The following SLCO5A1 variants were observed in gnomAD, a reference collection of about 807,000 sequenced individuals.
The protein encoded by SLCO5A1 is organic anion transporter polypeptide-related protein 4.
Under a neutral mutation model 65.1 loss-of-function variants are expected in SLCO5A1, and 39 were observed. The ratio of observed to expected loss-of-function variants is 0.60; its 90% CI spans 0.46 to 0.78. SLCO5A1 has a LOEUF of 0.78. Ranked by LOEUF, SLCO5A1 falls within the 30% of genes least tolerant of loss-of-function variation. SLCO5A1 has a pLI of 0.00. For missense variants in SLCO5A1, 1,029 were observed against 1,069.4 expected (o/e 0.96, Z 0.53); for synonymous variants, 438 against 415.7 (o/e 1.05, Z -0.65).
chr8:69,787,395 T>G (rs10110400), intron 2 of SLCO5A1, among the ~76,000 whole-genome samples: 2,573 of 152,334 alleles, frequency 0.017, 57 homozygotes, highest in African/African-American at 0.059. Context: ...ATCAGCATCC[T>G]CATGTGCTTA....
chr8:69,805,381 C>G (rs1316863084), intron 2 of SLCO5A1, among the ~76,000 whole-genome samples: 1 of 152,166 alleles, frequency 6.6e-6, no homozygotes, highest in African/African-American at 2.4e-5. Context: ...GGTTCCTTTT[C>G]CCCAAGACTC....
At chr8:69,728,383 C>A (rs73686132) in intron 5 of SLCO5A1, among the ~76,000 whole-genome samples, 2,575 of 152,048 alleles carry the variant, frequency 0.017, 82 homozygotes, top group African/African-American at 0.058. Context: ...GACCTTCAAA[C>A]CATATAAATG....
intron 4 of SLCO5A1, 47 bp from the exon 5 acceptor site, chr8:69,738,251 G>C: frequency 6.7e-7 from 1 of 1,495,698 alleles, no homozygotes; most frequent in Non-Finnish European, 9.0e-7. Context: ...ACAATGGATG[G>C]AAAACAAAAT....
chr8:69,755,270 T>C (rs535918705), intron 4 of SLCO5A1, among the ~76,000 whole-genome samples, 154 bp downstream of exon 4: 100 of 152,306 alleles, frequency 6.6e-4, no homozygotes, highest in African/African-American at 2.2e-3. Context: ...AAAAAATTAC[T>C]CTGTCAAGTT....
intron 2 of SLCO5A1, among the ~76,000 whole-genome samples, chr8:69,784,845 A>AAGAAAGAAAGGGAAGGAAGG (rs1818952434): frequency 6.8e-6 from 1 of 147,934 alleles, no homozygotes; most frequent in Non-Finnish European, 1.5e-5. Context: ...GAAAGAAAGA[A>AAGAAAGAAAGGGAAGGAAGG]AGAAAGAAAG....
chr8:69,771,841 A>G (rs1818333807), intron 2 of SLCO5A1, among the ~76,000 whole-genome samples: 1 of 152,228 alleles, frequency 6.6e-6, no homozygotes, highest in South Asian at 2.1e-4. Context: ...GCTCTCTCAC[A>G]TTATCCAGTA....
chr8:69,715,562 C>A (rs72660150), intron 5 of SLCO5A1, among the ~76,000 whole-genome samples: 62 of 152,274 alleles, frequency 4.1e-4, no homozygotes, highest in Non-Finnish European at 7.2e-4. Flanking sequence ...AAAACCCTGA[C>A]AAAGCTACCC....
chr8:69,785,026 G>A (rs1325976198), intron 2 of SLCO5A1, among the ~76,000 whole-genome samples: 1 of 150,688 alleles, frequency 6.6e-6, no homozygotes, highest in Non-Finnish European at 1.5e-5. Flanking sequence ...GAAAGAAAGG[G>A]AAGGAAGGGG....
intron 6 of SLCO5A1, among the ~76,000 whole-genome samples, chr8:69,692,334 C>G (rs1455697578): frequency 6.6e-6 from 1 of 152,162 alleles, no homozygotes; most frequent in African/African-American, 2.4e-5. Context: ...CTGGAATTTG[C>G]TCTGGGTGAG....
chr8:69,818,034 A>G (rs896190558), intron 2 of SLCO5A1, among the ~76,000 whole-genome samples: 1 of 152,344 alleles, frequency 6.6e-6, no homozygotes, highest in Admixed American at 6.5e-5. Context: ...GAGAAAATAG[A>G]AAGTGGCACT....
intron 6 of SLCO5A1, among the ~76,000 whole-genome samples, chr8:69,699,344 C>T (rs1814625970): frequency 6.6e-6 from 1 of 152,178 alleles, no homozygotes; most frequent in Non-Finnish European, 1.5e-5. Flanking sequence ...TCCCCCAACT[C>T]TCAGCTCTAG....
intron 4 of SLCO5A1, among the ~76,000 whole-genome samples, chr8:69,753,692 C>G (rs1054285091): frequency 2.0e-5 from 3 of 151,964 alleles, no homozygotes; most frequent in African/African-American, 7.3e-5. Flanking sequence ...CCCTTTGAGT[C>G]TACTTTATAG....
chr8:69,701,137 AG>A (rs1353326995), intron 6 of SLCO5A1, among the ~76,000 whole-genome samples: 1 of 152,158 alleles, frequency 6.6e-6, no homozygotes, highest in African/African-American at 2.4e-5. Context: ...GATAAGTGGA[AG>A]GTCATGTTGA....
At chr8:69,686,056 AACATACTTCTACT>A (rs57933340) in intron 6 of SLCO5A1, among the ~76,000 whole-genome samples, 4,851 of 152,126 alleles carry the variant, frequency 0.032, 238 homozygotes, top group African/African-American at 0.11. Context: ...TCCCCATCTA[AACATACTTCTACT>A]ACATACTTCT....
chr8:69,784,887 GAAGAAAGGAAGAAAGAAAGAAAGAAAGA>G (rs1586797225), intron 2 of SLCO5A1, among the ~76,000 whole-genome samples: 1 of 76,602 alleles, frequency 1.3e-5, no homozygotes, highest in East Asian at 3.5e-4. Flanking sequence ...AAGAAAGAAA[GAAGAAAGGAAGAAAGAAAGAAAGAAAGA>G]AAGAAAGAAA....
intron 2 of SLCO5A1, among the ~76,000 whole-genome samples, chr8:69,824,484 G>A (rs1820783473): frequency 6.6e-6 from 1 of 152,136 alleles, no homozygotes; most frequent in South Asian, 2.1e-4. Flanking sequence ...TACCATCAGA[G>A]AATACTACAA....
At chr8:69,778,716 A>G (rs928979688) in intron 2 of SLCO5A1, among the ~76,000 whole-genome samples, 1 of 152,194 alleles carries the variant, frequency 6.6e-6, no homozygotes, top group Non-Finnish European at 1.5e-5. Flanking sequence ...AGTTAGGACA[A>G]ATCAGTATTT....
At chr8:69,784,898 GA>G (rs1586797335) in intron 2 of SLCO5A1, among the ~76,000 whole-genome samples, 30 of 21,506 alleles carry the variant, frequency 1.4e-3, no homozygotes, top group East Asian at 5.5e-3. Context: ...AAGAAAGGAA[GA>G]AAGAAAGAAA....
intron 6 of SLCO5A1, among the ~76,000 whole-genome samples, chr8:69,692,171 C>T (rs983530485): frequency 6.6e-6 from 1 of 152,170 alleles, no homozygotes; most frequent in African/African-American, 2.4e-5. Context: ...ATGGCATGAA[C>T]CCGGGAGGCG....
Sources: gnomAD v4.1 joint callset for allele counts (sites outside exome capture counted in the v4.1 genomes callset) on GRCh38, gnomAD v4.1.1 for gene constraint, MANE v1.5 for transcripts, NCBI Gene and HGNC (gene_info 2026-07-23, HGNC 2026-07-21) for gene names.